Variants in ERBB4 observed in about 807,000 individuals in gnomAD.
ERBB4 encodes the protein receptor tyrosine-protein kinase erbB-4.
A neutral mutation model predicts 158.0 loss-of-function variants in ERBB4; 42 were observed. The observed-to-expected ratio is 0.27, with a 90% CI of 0.21 to 0.34. The LOEUF (loss-of-function observed/expected upper bound fraction) is 0.34. Ranked by LOEUF, ERBB4 falls within the 10% of genes least tolerant of loss-of-function variation. ERBB4 has a pLI of 1.00. For missense variants in ERBB4, 1,333 were observed against 1,624.1 expected, an observed-to-expected ratio of 0.82 and a Z score of 3.08; for synonymous variants, 583 against 558.7, an observed-to-expected ratio of 1.04 and a Z score of -0.61.
intron 1 of ERBB4, among the ~76,000 whole-genome samples, chr2:212,191,596 CAT>C (rs1267274698): frequency 2.8e-5 from 4 of 141,704 alleles, no homozygotes; most frequent in Non-Finnish European, 4.5e-5. Context: ...ATATATAACA[CAT>C]GTGTTATGCC....
intron 1 of ERBB4, among the ~76,000 whole-genome samples, chr2:212,521,728 G>C (rs1010236554): frequency 6.6e-6 from 1 of 151,920 alleles, no homozygotes; most frequent in East Asian, 1.9e-4. Context: ...TAGATGGGAT[G>C]ATTGAAGCTT....
At chr2:212,336,987 A>G (rs1483992357) in intron 1 of ERBB4, among the ~76,000 whole-genome samples, 1 of 152,160 alleles carries the variant, frequency 6.6e-6, no homozygotes, top group African/African-American at 2.4e-5. Context: ...GTAGCAAGAT[A>G]GAAGTGCATA....
chr2:212,461,043 A>C (rs1421757853), intron 1 of ERBB4, among the ~76,000 whole-genome samples: 1 of 152,170 alleles, frequency 6.6e-6, no homozygotes, highest in African/African-American at 2.4e-5. Flanking sequence ...AAACTCCTGG[A>C]TGTCGAGGTA....
chr2:211,949,689 C>A (rs756553174), intron 2 of ERBB4, among the ~76,000 whole-genome samples: 1 of 152,004 alleles, frequency 6.6e-6, no homozygotes, highest in Admixed American at 6.6e-5. Context: ...GTGCATTATA[C>A]CCTTAAAAAC....
rs903455457 is a variant in ERBB4 at position 212,446,389 on chromosome 2, C to A, written c.82+92060G>T. The stretch of plus-strand genomic sequence containing the variant: ...AGCAAATATAAAGCAGGCAGAAAAA[C>A]GTGAAAAGGAGAGACTGGCCTAGAC... On this transcript the variant is annotated intron_variant, in intron 1 of 27. Transcript: ENST00000342788. Among the ~76,000 whole-genome samples, 4 of 150,632 alleles carry A rather than the reference C, an allele frequency of 2.7e-5. No homozygotes were observed. The East Asian group carries it at 7.8e-4, about 30-fold the overall frequency.
intron 20 of ERBB4, among the ~76,000 whole-genome samples, chr2:211,506,277 C>T (rs1559237466): frequency 1.3e-5 from 2 of 152,020 alleles, no homozygotes. Context: ...TGCTACTAGA[C>T]CCAAGAAAAA....
intron 1 of ERBB4, among the ~76,000 whole-genome samples, chr2:212,382,641 G>T (rs181638897): frequency 6.6e-6 from 1 of 151,026 alleles, no homozygotes; most frequent in Admixed American, 6.6e-5. Context: ...ACTCTACATT[G>T]TAACAGTTGA....
intron 16 of ERBB4, among the ~76,000 whole-genome samples, chr2:211,647,173 C>A (rs1211009411): frequency 6.6e-6 from 1 of 151,490 alleles, no homozygotes; most frequent in Non-Finnish European, 1.5e-5. Context: ...TTCATATGTT[C>A]TTTTCCTCTT....
intron 2 of ERBB4, among the ~76,000 whole-genome samples, chr2:212,038,889 G>T (rs535772627): frequency 1.3e-5 from 2 of 152,202 alleles, no homozygotes; most frequent in South Asian, 4.1e-4. Flanking sequence ...TCGGGGAAGA[G>T]AAGAAAAGTA....
intron 1 of ERBB4, among the ~76,000 whole-genome samples, chr2:212,341,363 A>T (rs1043163819): frequency 2.6e-5 from 4 of 151,428 alleles, no homozygotes; most frequent in Non-Finnish European, 5.9e-5. Context: ...AATGTCTTAA[A>T]TTTTTTTTTG....
intron 1 of ERBB4, among the ~76,000 whole-genome samples, chr2:212,412,298 C>G (rs1361854792): frequency 6.6e-6 from 1 of 152,122 alleles, no homozygotes; most frequent in African/African-American, 2.4e-5. Context: ...AGGTAATTTC[C>G]TGTGTTGGAG....
chr2:212,481,565 T>C (rs1246497505), intron 1 of ERBB4, among the ~76,000 whole-genome samples: 1 of 152,208 alleles, frequency 6.6e-6, no homozygotes, highest in Admixed American at 6.5e-5. Flanking sequence ...ATGTGACCAA[T>C]GGGAAATGTA....
At chr2:212,262,303 G>T (rs1428342994) in intron 1 of ERBB4, among the ~76,000 whole-genome samples, 2 of 152,066 alleles carry the variant, frequency 1.3e-5, no homozygotes, top group Admixed American at 6.6e-5. Context: ...TTCTATATGA[G>T]CTGTATGATT....
chr2:211,443,010 G>A (rs767730836), intron 20 of ERBB4, among the ~76,000 whole-genome samples: 3 of 151,784 alleles, frequency 2.0e-5, no homozygotes, highest in African/African-American at 4.8e-5. Context: ...ATTTCATCAC[G>A]TTTTGGGACA....
chr2:211,639,724 T>C (rs2070499902), intron 16 of ERBB4, among the ~76,000 whole-genome samples: 1 of 152,134 alleles, frequency 6.6e-6, no homozygotes, highest in Admixed American at 6.5e-5. Context: ...TCAGAGGGTT[T>C]GCAAACTTTT....
chr2:211,886,133 G>A (rs911732796), intron 3 of ERBB4, among the ~76,000 whole-genome samples: 1 of 152,082 alleles, frequency 6.6e-6, no homozygotes, highest in Non-Finnish European at 1.5e-5. Flanking sequence ...TGTTTTCTCT[G>A]TCTTAGATAC....
intron 1 of ERBB4, among the ~76,000 whole-genome samples, chr2:212,457,704 T>C (rs1688368795): frequency 6.6e-6 from 1 of 152,084 alleles, no homozygotes; most frequent in Non-Finnish European, 1.5e-5. Context: ...CCTTTCTCTT[T>C]GGCTAGAACC....
At chr2:211,426,941 T>C (rs1261256077) in intron 22 of ERBB4, among the ~76,000 whole-genome samples, 1 of 152,008 alleles carries the variant, frequency 6.6e-6, no homozygotes, top group African/African-American at 2.4e-5. Context: ...ATGCAATAGA[T>C]GTTTTTCTAT....
intron 1 of ERBB4, among the ~76,000 whole-genome samples, chr2:212,456,444 C>G (rs1483821227): frequency 2.0e-5 from 3 of 151,644 alleles, no homozygotes; most frequent in Non-Finnish European, 2.9e-5. Context: ...AAATAGAAAT[C>G]TGTAAGAGAT....
Sources: gnomAD v4.1 joint callset for allele counts (sites outside exome capture counted in the v4.1 genomes callset) on GRCh38, gnomAD v4.1.1 for gene constraint, MANE v1.5 for transcripts, NCBI Gene and HGNC (gene_info 2026-07-23, HGNC 2026-07-21) for gene names.